Variants in STRBP observed in about 807,000 individuals in gnomAD.
STRBP encodes spermatid perinuclear RNA-binding protein.
STRBP carries 13 observed loss-of-function variants against 80.1 expected under a neutral mutation model. The ratio of observed to expected loss-of-function variants is 0.16; its 90% CI spans 0.11 to 0.26. The LOEUF (loss-of-function observed/expected upper bound fraction) is 0.26. Among genes scored for constraint, STRBP ranks in the 10% least tolerant of loss-of-function variants. The pLI is 1.00. For missense variants in STRBP, 485 were observed against 815.2 expected (o/e 0.59, Z 4.93); for synonymous variants, 284 against 291.2 (o/e 0.98, Z 0.25).
intron 2 of STRBP, among the ~76,000 whole-genome samples, chr9:123,199,830 C>T (rs2039247026): frequency 6.6e-6 from 1 of 152,158 alleles, no homozygotes; most frequent in African/African-American, 2.4e-5. Flanking sequence ...TAATTTGACT[C>T]TCTCCTTTCC....
chr9:123,231,189 G>A (rs1018578480), intron 2 of STRBP, among the ~76,000 whole-genome samples: 8 of 152,038 alleles, frequency 5.3e-5, no homozygotes, highest in Admixed American at 2.0e-4. Context: ...AATGTACAAC[G>A]AGGCCTGAGA....
chr9:123,259,265 C>T (rs1027252717), intron 1 of STRBP, among the ~76,000 whole-genome samples: 1 of 152,060 alleles, frequency 6.6e-6, no homozygotes, highest in African/African-American at 2.4e-5. Flanking sequence ...AAAGATGAAG[C>T]TGCTATTTAC....
At chr9:123,146,215 C>T (rs1296641321) in intron 13 of STRBP, among the ~76,000 whole-genome samples, 1 of 151,840 alleles carries the variant, frequency 6.6e-6, no homozygotes, top group Non-Finnish European at 1.5e-5. Flanking sequence ...ATAGAGAGAT[C>T]CCATTACTTG....
chr9:123,200,035 G>T (rs1189768047), intron 2 of STRBP, among the ~76,000 whole-genome samples: 1 of 151,984 alleles, frequency 6.6e-6, no homozygotes, highest in Non-Finnish European at 1.5e-5. Context: ...TTTTAAGGTA[G>T]GTCCCTTCCA....
At chr9:123,170,507 C>T (rs1200308028) in intron 5 of STRBP, among the ~76,000 whole-genome samples, 2 of 152,104 alleles carry the variant, frequency 1.3e-5, no homozygotes, top group Non-Finnish European at 2.9e-5. Flanking sequence ...GATTATGGAG[C>T]TTTTTAAAGA....
chr9:123,247,560 C>A (rs772114170), intron 1 of STRBP, among the ~76,000 whole-genome samples: 4 of 152,182 alleles, frequency 2.6e-5, no homozygotes, highest in Non-Finnish European at 5.9e-5. Flanking sequence ...TGAGCCACTG[C>A]GCCCAGCCTC....
intron 6 of STRBP, among the ~76,000 whole-genome samples, chr9:123,165,882 CTT>C (rs2037737446): frequency 6.6e-6 from 1 of 152,158 alleles, no homozygotes; most frequent in Non-Finnish European, 1.5e-5. Context: ...TGAGGAAGTG[CTT>C]ATCACATGGT....
intron 2 of STRBP, among the ~76,000 whole-genome samples, chr9:123,216,120 T>C (rs910267645): frequency 2.6e-5 from 4 of 152,180 alleles, no homozygotes; most frequent in African/African-American, 7.2e-5. Flanking sequence ...GACAGTGCCT[T>C]CTCCCACAGG....
chr9:123,234,074 G>A (rs1308407600), intron 2 of STRBP, among the ~76,000 whole-genome samples: 3 of 151,782 alleles, frequency 2.0e-5, no homozygotes, highest in African/African-American at 2.4e-5. Flanking sequence ...GGTGGCGGGC[G>A]CCTGTAGTCC....
Position 123,123,088 on chromosome 9 carries a change from T to C in STRBP, c.*2509A>G, listed in dbSNP as rs2035785020. 27 of 985,158 alleles carry C rather than the reference T, an allele frequency of 2.7e-5. No homozygotes were observed. Among genetic ancestry groups the C allele is most frequent in the Non-Finnish European group, 3.0e-5 (25 of 829,900 alleles). The allele number at this position is 985,158 out of a possible 1,614,324, so 61.0% of individuals were successfully genotyped here. A position where few individuals can be genotyped will look rare whatever the true frequency, so the allele number is the denominator to read the frequency against. ...TGCTCTTAAGACCAAGACATAGAAA[T>C]TGCCATTTCAAGCCAGACAACCTGA... On this transcript the variant is annotated 3_prime_UTR_variant, in exon 19 of 19. Transcript: ENST00000348403.
chr9:123,171,656 A>C (rs2038015813), intron 5 of STRBP, among the ~76,000 whole-genome samples: 1 of 152,204 alleles, frequency 6.6e-6, no homozygotes, highest in Non-Finnish European at 1.5e-5. Context: ...ATTTTACAAG[A>C]AAATGTATCT....
At chr9:123,219,657 AG>A (rs2132551877) in intron 2 of STRBP, among the ~76,000 whole-genome samples, 2 of 152,374 alleles carry the variant, frequency 1.3e-5, no homozygotes, top group African/African-American at 4.8e-5. Flanking sequence ...AGCGAGACGC[AG>A]TAAGGCAAAG....
chr9:123,134,219 T>C (rs1468570649), intron 16 of STRBP, among the ~76,000 whole-genome samples: 1 of 152,202 alleles, frequency 6.6e-6, no homozygotes, highest in Non-Finnish European at 1.5e-5. Flanking sequence ...ACAATTAAGA[T>C]TCCCCACTAT....
intron 13 of STRBP, among the ~76,000 whole-genome samples, chr9:123,140,511 T>C (rs1288505682): frequency 1.3e-5 from 2 of 152,092 alleles, no homozygotes; most frequent in African/African-American, 4.8e-5. Context: ...GGAGAATTGC[T>C]TGAACCTGGG....
At chr9:123,157,039 G>T (rs1402910217) in intron 11 of STRBP, among the ~76,000 whole-genome samples, 1 of 152,146 alleles carries the variant, frequency 6.6e-6, no homozygotes, top group Non-Finnish European at 1.5e-5. Context: ...AAAAAAATAA[G>T]AAAGAGGGTA....
chr9:123,178,621 T>G (rs1454691606), intron 4 of STRBP, among the ~76,000 whole-genome samples: 2 of 152,176 alleles, frequency 1.3e-5, no homozygotes, highest in East Asian at 3.8e-4. Flanking sequence ...TACACAAGGA[T>G]TTTTAAATGC....
intron 11 of STRBP, among the ~76,000 whole-genome samples, chr9:123,149,294 A>G (rs1006258969): frequency 1.3e-5 from 2 of 152,250 alleles, no homozygotes; most frequent in African/African-American, 2.4e-5. Flanking sequence ...ACAGAAGGCA[A>G]CGTTGGCTGA....
chr9:123,247,805 C>T (rs773383467), intron 1 of STRBP, among the ~76,000 whole-genome samples: 8 of 152,042 alleles, frequency 5.3e-5, no homozygotes, highest in African/African-American at 1.9e-4. Flanking sequence ...AATCTCCACA[C>T]GGATGGAGAA....
intron 16 of STRBP, among the ~76,000 whole-genome samples, chr9:123,133,315 T>C (rs2036218964): frequency 6.6e-6 from 1 of 152,194 alleles, no homozygotes; most frequent in African/African-American, 2.4e-5. Flanking sequence ...CAGTAAATTA[T>C]CTGCCAACAG....
Sources: allele counts gnomAD v4.1 joint callset (sites outside exome capture counted in the v4.1 genomes callset), GRCh38; gene constraint gnomAD v4.1.1; transcripts MANE v1.5; gene names NCBI Gene and HGNC (gene_info 2026-07-23, HGNC 2026-07-21).